Variants in ALX4 observed in about 807,000 individuals in gnomAD.
The protein encoded by ALX4 is homeobox protein aristaless-like 4.
ALX4 carries 22 observed loss-of-function variants against 40.6 expected under a neutral mutation model. That is an observed-to-expected ratio of 0.54 (90% CI 0.39 to 0.77). The LOEUF is 0.77. ALX4 is among the 30% of genes least tolerant of loss of function. The pLI is 0.00. For missense variants in ALX4, 556 were observed against 564.8 expected (o/e 0.98, Z 0.16); for synonymous variants, 266 against 240.5 (o/e 1.11, Z -0.98).
intron 1 of ALX4, among the ~76,000 whole-genome samples, chr11:44,276,248 C>T (rs1483108320): frequency 6.6e-6 from 1 of 152,232 alleles, no homozygotes; most frequent in Non-Finnish European, 1.5e-5. Context: ...TCCCTGCCCC[C>T]CAACCCTGCA....
intron 2 of ALX4, among the ~76,000 whole-genome samples, chr11:44,268,178 C>A (rs1956224278): frequency 6.6e-6 from 1 of 152,194 alleles, no homozygotes; most frequent in Non-Finnish European, 1.5e-5. Flanking sequence ...AGAACAGGGG[C>A]TCTGCTGGGC....
Position 44,309,836 on chromosome 11 carries a change from G to A in ALX4, c.227C>T (p.Pro76Leu), listed in dbSNP as rs1426917397. Residue 76 changes from proline (P) to leucine (L), a missense_variant, in exon 1 of 4, where the codon CCC becomes CTC. Physicochemically the swap from Pro to Leu is moderately conservative, Grantham distance 98. Transcript: ENST00000652299. Reference protein sequence around the residue: ...YGAGQQDLATPLESGAGARGS... With the variant: ...YGAGQQDLATLLESGAGARGS... ...CCGCGCCCCAGCTCCACTCTCCAGG[G>A]GTGTCGCCAGGTCCTGCTGCCCAGC... is the stretch of plus-strand genomic sequence containing the variant. 3.2e-6 allele frequency: 5 copies of A among 1,555,358 alleles called. No homozygotes were observed. In the African/African-American group the frequency reaches 6.8e-5, roughly 21 times the overall value.
chr11:44,264,792 G>A lies in ALX4; in HGVS notation c.*62C>T. 6.4e-7 allele frequency: 1 copy of A among 1,574,094 alleles called. No homozygotes were observed. Among genetic ancestry groups the A allele is most frequent in the South Asian group, 1.1e-5 (1 of 89,182 alleles). Reference sequence around the variant, plus strand: ...AGGAAAGTCGAGTGGGAGGCTGGGGGCCTGGAAAACATGGGCGTGGCCCAT... The same window carrying A: ...AGGAAAGTCGAGTGGGAGGCTGGGGACCTGGAAAACATGGGCGTGGCCCAT... On this transcript the variant is annotated 3_prime_UTR_variant, in exon 4 of 4. Coordinates refer to ENST00000652299, the MANE Select transcript of ALX4 (RefSeq NM_021926.4).
At chr11:44,297,076 G>A (rs551452037) in intron 1 of ALX4, among the ~76,000 whole-genome samples, 3 of 150,040 alleles carry the variant, frequency 2.0e-5, no homozygotes, top group African/African-American at 7.3e-5. Context: ...TAGAATAGAG[G>A]TCACTTGGGT....
Position 44,260,711 on chromosome 11 carries a change from AC to A in ALX4, c.*4142del, listed in dbSNP as rs1222643255. 2.0e-5 allele frequency: 3 copies of A among 150,432 alleles called. No homozygotes were observed. The highest frequency in any genetic ancestry group is 1.3e-4 in the Admixed American group (2 of 15,138). The allele number at this position is 150,432 out of a possible 1,614,324, so 9.3% of individuals were successfully genotyped here. ...TAGGCAGTAAAACTTTATGGAACCG[AC>A]CTCATTTTTTTTTTTACATTTTTCT... On this transcript the variant is annotated 3_prime_UTR_variant, in exon 4 of 4. Transcript: ENST00000652299.
At chr11:44,281,151 A>C (rs1956307810) in intron 1 of ALX4, among the ~76,000 whole-genome samples, 1 of 151,076 alleles carries the variant, frequency 6.6e-6, no homozygotes, top group South Asian at 2.1e-4. Flanking sequence ...TTAAAGAATG[A>C]CCTTCTAGAG....
chr11:44,306,994 C>T, intron 1 of ALX4, among the ~76,000 whole-genome samples: 1 of 152,192 alleles, frequency 6.6e-6, no homozygotes, highest in East Asian at 1.9e-4. Flanking sequence ...CCGAGCAGTG[C>T]CTCCATCTTA....
chr11:44,306,112 A>T (rs1474550906), intron 1 of ALX4, among the ~76,000 whole-genome samples: 1 of 152,162 alleles, frequency 6.6e-6, no homozygotes, highest in Non-Finnish European at 1.5e-5. Flanking sequence ...GAGCGGACCC[A>T]GAGTCTGGAG....
chr11:44,274,317 T>C (rs1956265453), intron 2 of ALX4, among the ~76,000 whole-genome samples: 1 of 151,964 alleles, frequency 6.6e-6, no homozygotes, highest in Non-Finnish European at 1.5e-5. Context: ...TTGAGTTCTG[T>C]TGGAATGTGT....
At chr11:44,283,448 C>T (rs1246310848) in intron 1 of ALX4, among the ~76,000 whole-genome samples, 1 of 152,158 alleles carries the variant, frequency 6.6e-6, no homozygotes, top group Non-Finnish European at 1.5e-5. Flanking sequence ...TTCATCATGT[C>T]ATAGTTTAAT....
At chr11:44,304,714 C>T (rs1305813189) in intron 1 of ALX4, among the ~76,000 whole-genome samples, 12 of 152,194 alleles carry the variant, frequency 7.9e-5, no homozygotes. Context: ...AAGCTGCGCG[C>T]GGCTGAGGGC....
At chr11:44,293,918 G>C (rs917544133) in intron 1 of ALX4, among the ~76,000 whole-genome samples, 1 of 152,186 alleles carries the variant, frequency 6.6e-6, no homozygotes, top group Non-Finnish European at 1.5e-5. Flanking sequence ...GTGTCTGGGC[G>C]GTCAGGGGAC....
intron 1 of ALX4, among the ~76,000 whole-genome samples, chr11:44,293,640 T>C (rs1956386490): frequency 2.0e-5 from 3 of 152,186 alleles, no homozygotes; most frequent in Admixed American, 1.3e-4. Context: ...GGGGGATGCA[T>C]TAATACAGCA....
At chr11:44,298,298 G>A (rs192459077) in intron 1 of ALX4, among the ~76,000 whole-genome samples, 62 of 152,292 alleles carry the variant, frequency 4.1e-4, no homozygotes, top group Admixed American at 3.2e-3. Flanking sequence ...GGGGTGGGAC[G>A]GGTGGACGGA....
chr11:44,284,820 G>A (rs1158627618), intron 1 of ALX4, among the ~76,000 whole-genome samples: 1 of 152,090 alleles, frequency 6.6e-6, no homozygotes, highest in African/African-American at 2.4e-5. Flanking sequence ...TAACTTTTGT[G>A]ACTTTTCTTT....
intron 1 of ALX4, among the ~76,000 whole-genome samples, chr11:44,293,377 G>A (rs1478469159): frequency 2.6e-5 from 4 of 151,400 alleles, no homozygotes; most frequent in African/African-American, 9.7e-5. Flanking sequence ...TCAGGAGTTC[G>A]AGACCAGCCT....
intron 1 of ALX4, among the ~76,000 whole-genome samples, chr11:44,278,460 G>A (rs1956290609): frequency 6.6e-6 from 1 of 152,202 alleles, no homozygotes; most frequent in South Asian, 2.1e-4. Flanking sequence ...TGGGGGGCAG[G>A]ACCAGCCCTT....
Position 44,260,617 on chromosome 11 carries a change from C to T in ALX4, c.*4237G>A, listed in dbSNP as rs1956177263. On this transcript the variant is annotated 3_prime_UTR_variant, in exon 4 of 4. Coordinates refer to ENST00000652299, the MANE Select transcript of ALX4 (RefSeq NM_021926.4). The stretch of plus-strand genomic sequence containing the variant: ...TCCTCTCCCAAAAAAGATGTAAGTG[C>T]AATAACTTACTTTAAAAGGCAAGAA... 6.6e-6 allele frequency: 1 copy of T among 152,124 alleles called. No individual in the cohort carries two copies. Among genetic ancestry groups the T allele is most frequent in the Non-Finnish European group, 1.5e-5 (1 of 68,036 alleles). 9.4% of individuals were successfully genotyped at this position (152,124 alleles called of 1,614,324 possible). A position where few individuals can be genotyped will look rare whatever the true frequency, so the allele number is the denominator to read the frequency against.
At chr11:44,281,278 G>T (rs1231118504) in intron 1 of ALX4, among the ~76,000 whole-genome samples, 2 of 152,052 alleles carry the variant, frequency 1.3e-5, no homozygotes, top group African/African-American at 2.4e-5. Flanking sequence ...GTTGCTTGTG[G>T]ATAGGTTTGT....
Sources: gnomAD v4.1 joint callset for allele counts (sites outside exome capture counted in the v4.1 genomes callset) on GRCh38, gnomAD v4.1.1 for gene constraint, MANE v1.5 for transcripts, NCBI Gene and HGNC (gene_info 2026-07-23, HGNC 2026-07-21) for gene names.